TRHDE: variants seen among roughly 807,000 people sequenced by gnomAD.
The protein encoded by TRHDE is thyrotropin releasing hormone degrading enzyme.
TRHDE carries 72 observed loss-of-function variants against 125.7 expected under a neutral mutation model. That is an observed-to-expected ratio of 0.57 (90% CI 0.47 to 0.70). TRHDE has a LOEUF of 0.70. Ranked by LOEUF, TRHDE falls within the 30% of genes least tolerant of loss-of-function variation. TRHDE has a pLI of 0.00. For synonymous variants in TRHDE, 509 were observed against 509.1 expected, an observed-to-expected ratio of 1.00 and a Z score of 0.00; for missense variants, 1,110 against 1,327.1, an observed-to-expected ratio of 0.84 and a Z score of 2.54.
At chr12:72,619,922 ATTCC>A (rs1399522470) in intron 13 of TRHDE, among the ~76,000 whole-genome samples, 2 of 152,102 alleles carry the variant, frequency 1.3e-5, no homozygotes, top group Admixed American at 6.6e-5. Flanking sequence ...GCCCATCAGA[ATTCC>A]TTCCTTTTTA....
chr12:72,500,849 C>CTT (rs11314911), intron 6 of TRHDE, among the ~76,000 whole-genome samples: 2,447 of 109,186 alleles, frequency 0.022, 30 homozygotes, highest in Non-Finnish European at 0.027. Context: ...CAACTTTGTT[C>CTT]TTTTTTTTTT....
intron 1 of TRHDE, among the ~76,000 whole-genome samples, chr12:72,089,316 T>C (rs1200666182): frequency 6.6e-6 from 1 of 152,312 alleles, no homozygotes; most frequent in African/African-American, 2.4e-5. Flanking sequence ...TTTAAAGACG[T>C]AGGTCAGATT....
intron 2 of TRHDE, among the ~76,000 whole-genome samples, chr12:72,253,164 G>C (rs896841086): frequency 1.3e-5 from 2 of 152,050 alleles, no homozygotes; most frequent in African/African-American, 4.8e-5. Context: ...TTAAGAGAGA[G>C]GACTTACTGT....
At chr12:72,158,139 C>A (rs74597709) in intron 2 of TRHDE, among the ~76,000 whole-genome samples, 4 of 151,850 alleles carry the variant, frequency 2.6e-5, no homozygotes, top group African/African-American at 7.3e-5. Context: ...GAAAGTCTGA[C>A]GGAGAGGGTT....
intron 2 of TRHDE, among the ~76,000 whole-genome samples, chr12:72,127,692 G>T (rs373461004): frequency 1.7e-4 from 26 of 152,170 alleles, no homozygotes; most frequent in African/African-American, 6.3e-4. Context: ...AGAGAAGGGG[G>T]CAAGGGGTTG....
intron 3 of TRHDE, among the ~76,000 whole-genome samples, chr12:72,442,124 T>A (rs1875044707): frequency 6.6e-6 from 1 of 151,882 alleles, no homozygotes; most frequent in Admixed American, 6.6e-5. Flanking sequence ...GCATCCTGCT[T>A]CATCCCGCTC....
intron 2 of TRHDE, among the ~76,000 whole-genome samples, chr12:72,143,158 G>A (rs1275704060): frequency 1.3e-5 from 2 of 152,134 alleles, no homozygotes; most frequent in Non-Finnish European, 2.9e-5. Flanking sequence ...AGAGCCCAAA[G>A]CACTCATCCT....
chr12:72,435,606 A>G (rs1874703799), intron 3 of TRHDE, among the ~76,000 whole-genome samples: 1 of 151,754 alleles, frequency 6.6e-6, no homozygotes, highest in Non-Finnish European at 1.5e-5. Flanking sequence ...TTTTGTGGAT[A>G]CAGTACTTGA....
intron 18 of TRHDE, among the ~76,000 whole-genome samples, chr12:72,658,316 T>G (rs1195103028): frequency 2.0e-5 from 3 of 152,222 alleles, no homozygotes; most frequent in African/African-American, 7.2e-5. Context: ...TACTTTTAAT[T>G]TCATGATTTC....
chr12:72,123,558 T>C (rs1398854083), intron 2 of TRHDE, among the ~76,000 whole-genome samples: 4 of 152,122 alleles, frequency 2.6e-5, no homozygotes, highest in Admixed American at 6.6e-5. Flanking sequence ...TTTATCATAA[T>C]GTCTTCTCAT....
chr12:72,525,131 C>A (rs569634018), intron 6 of TRHDE, among the ~76,000 whole-genome samples: 1 of 152,182 alleles, frequency 6.6e-6, no homozygotes, highest in South Asian at 2.1e-4. Context: ...GATGAACAAG[C>A]TATAGATGTT....
intron 2 of TRHDE, among the ~76,000 whole-genome samples, chr12:72,135,767 C>T (rs114029047): frequency 0.014 from 2,090 of 152,098 alleles, 61 homozygotes; most frequent in African/African-American, 0.049. Context: ...GATTTTTCTC[C>T]CTTTAGAAGC....
At chr12:72,478,464 C>A (rs545800122) in intron 5 of TRHDE, among the ~76,000 whole-genome samples, 1 of 152,212 alleles carries the variant, frequency 6.6e-6, no homozygotes, top group Admixed American at 6.5e-5. Flanking sequence ...TGAAATATAG[C>A]CGATTTGCTC....
intron 2 of TRHDE, among the ~76,000 whole-genome samples, chr12:72,139,680 G>A (rs1444163477): frequency 6.6e-6 from 1 of 152,152 alleles, no homozygotes; most frequent in African/African-American, 2.4e-5. Context: ...GAGATCAACA[G>A]CACTGTGCAT....
Position 72,652,418 on chromosome 12 carries a change from C to A in TRHDE, c.2772C>A (p.Thr924=), listed in dbSNP as rs753136428. The A allele has an allele frequency of 6.2e-7, 1 of 1,607,838 alleles. No individual in the cohort carries two copies. The highest frequency in any genetic ancestry group is 1.7e-5 in the Admixed American group (1 of 59,282). The part of the protein sequence containing the change: ...WEFIWMKFHS[T]TAVSEKKILL... ...TCATATGGATGAAATTCCATTCCACCACAGCAGTTTCTGAGAAGAAAATAT... is the reference window on the plus strand; with the variant it reads ...TCATATGGATGAAATTCCATTCCACAACAGCAGTTTCTGAGAAGAAAATAT... Residue 924 remains threonine (T), a synonymous_variant, in exon 16 of 19, where the codon ACC becomes ACA. Transcript: ENST00000261180.
At chr12:72,365,942 A>T (rs907908044) in intron 2 of TRHDE, among the ~76,000 whole-genome samples, 4 of 152,032 alleles carry the variant, frequency 2.6e-5, no homozygotes, top group African/African-American at 9.7e-5. Flanking sequence ...CCAGCTTCTA[A>T]TACTGCATCC....
chr12:72,262,525 G>T (rs905106892), intron 2 of TRHDE: 3 of 152,080 alleles, frequency 2.0e-5, no homozygotes, highest in African/African-American at 7.2e-5. Context: ...AGAGCCATTG[G>T]TGCATTTTAT....
intron 12 of TRHDE, among the ~76,000 whole-genome samples, chr12:72,593,759 C>T (rs1046894400): frequency 3.3e-5 from 5 of 151,948 alleles, no homozygotes; most frequent in South Asian, 4.1e-4. Flanking sequence ...AGTGAGAACA[C>T]GCAGTGTTTG....
At chr12:72,314,889 C>T (rs552071919) in intron 2 of TRHDE, among the ~76,000 whole-genome samples, 1 of 152,114 alleles carries the variant, frequency 6.6e-6, no homozygotes, top group Non-Finnish European at 1.5e-5. Context: ...TTTTTAAAAA[C>T]ACTGCATTTA....
Sources: allele counts gnomAD v4.1 joint callset (sites outside exome capture counted in the v4.1 genomes callset), GRCh38; gene constraint gnomAD v4.1.1; transcripts MANE v1.5; gene names NCBI Gene and HGNC (gene_info 2026-07-23, HGNC 2026-07-21).